Variants in HAGH observed in about 807,000 individuals in gnomAD.
HAGH encodes the protein hydroxyacylglutathione hydrolase, mitochondrial.
In HAGH, 29 loss-of-function variants were observed where a neutral mutation model predicts 35.1. That is an observed-to-expected ratio of 0.83 (90% CI 0.62 to 1.13). HAGH has a LOEUF of 1.13. Among genes scored for constraint, HAGH ranks in the 50% most tolerant of loss-of-function variants. The probability of loss-of-function intolerance (pLI) is 0.00; values close to 1 mark genes in which losing one functional copy is unlikely to be tolerated. For missense variants in HAGH, 478 were observed against 419.6 expected, an observed-to-expected ratio of 1.14 and a Z score of -1.22; for synonymous variants, 225 against 176.1, an observed-to-expected ratio of 1.28 and a Z score of -2.20.
chr16:1,822,226 C>A (rs993644502), intron 3 of HAGH, 74 bp downstream of exon 3: 64 of 908,420 alleles, frequency 7.0e-5, no homozygotes, highest in East Asian at 3.6e-4. Flanking sequence ...GGGAGACAGG[C>A]CTTGATGTCC....
rs763826508 is a variant in HAGH, at chr16:1,819,232, A to G, written c.433-9T>C. On this transcript the variant is annotated splice_polypyrimidine_tract_variant and intron_variant, in intron 4 of 8. Coordinates refer to ENST00000397356, the MANE Select transcript of HAGH (RefSeq NM_005326.6). Reference sequence around the variant, plus strand: ...ACGTTCAGAGACCCCACCTTCAACAAAGCAGGCGACCGCGTGTGCTCCCAG... The same window carrying G: ...ACGTTCAGAGACCCCACCTTCAACAGAGCAGGCGACCGCGTGTGCTCCCAG... The G allele has an allele frequency of 6.4e-7, 1 of 1,569,512 alleles. No homozygotes were observed. Among genetic ancestry groups the G allele is most frequent in the South Asian group, 1.1e-5 (1 of 89,422 alleles).
At position 1,823,057 on chromosome 16, in the gene HAGH, C is replaced by A. The variant is rs1469982058; in HGVS notation, c.77-20G>T. On this transcript the variant is annotated intron_variant, in intron 1 of 8. Coordinates refer to ENST00000397356, the MANE Select transcript of HAGH (RefSeq NM_005326.6). Reference sequence around the variant, plus strand: ...CTGGACCTGCAGACACAGAGCACAACTCAGCGGGCAGCCGCGCCAGGCCCT... The same window carrying A: ...CTGGACCTGCAGACACAGAGCACAAATCAGCGGGCAGCCGCGCCAGGCCCT... 1.9e-6 allele frequency: 3 copies of A among 1,611,332 alleles called. No individual in the cohort carries two copies. In the African/African-American group the frequency reaches 4.0e-5, roughly 22 times the overall value.
chr16:1,809,244 G>A lies in HAGH; in HGVS notation c.*39C>T, dbSNP rs1268376821. On this transcript the variant is annotated 3_prime_UTR_variant, in exon 9 of 9. Coordinates refer to ENST00000397356, the MANE Select transcript of HAGH (RefSeq NM_005326.6). ...CAGCAGGAAAGCCAGTTACCTAAAA[G>A]AGCCTAATCCCCAAATCCGCTGAAG... 2.2e-6 allele frequency: 3 copies of A among 1,389,356 alleles called. No homozygotes were observed. Among genetic ancestry groups the A allele is most frequent in the Non-Finnish European group, 3.0e-6 (3 of 991,342 alleles). The allele number at this position is 1,389,356 out of a possible 1,614,324, so 86.1% of individuals were successfully genotyped here.
Position 1,819,201 on chromosome 16 carries a change from C to A in HAGH, c.455G>T (p.Cys152Phe), listed in dbSNP as rs1256812039. ...TLQVGSLNVKCLATPCHTSGH... is the reference protein window; with the variant it reads ...TLQVGSLNVKFLATPCHTSGH... ...TGAAGTGTGGCACGGGGTCGCCAGG[C>A]ACTTGACGTTCAGAGACCCCACCTT... Residue 152 changes from cysteine (C) to phenylalanine (F), a missense_variant, in exon 5 of 9, where the codon TGC becomes TTC. By Grantham distance (205) the Cys-to-Phe change is radical. Coordinates refer to ENST00000397356, the MANE Select transcript of HAGH (RefSeq NM_005326.6). The A allele has an allele frequency of 3.1e-6, 5 of 1,611,824 alleles. No individual in the cohort carries two copies. The highest frequency in any genetic ancestry group is 4.2e-6 in the Non-Finnish European group (5 of 1,178,938).
Position 1,822,860 on chromosome 16 carries a change from C to A in HAGH, c.249+5G>T, listed in dbSNP as rs754515094. 1.9e-6 allele frequency: 3 copies of A among 1,612,166 alleles called. No individual in the cohort carries two copies. The highest frequency in any genetic ancestry group is 1.3e-5 in the African/African-American group (1 of 75,006). ...GCAGGGAGAGCCAGGCACAGCCATG[C>A]GCACCTTCTGGGGCTGCACCGGATC... is the stretch of plus-strand genomic sequence containing the variant. On this transcript the variant is annotated splice_donor_5th_base_variant and intron_variant, in intron 2 of 8. Coordinates refer to ENST00000397356, the MANE Select transcript of HAGH (RefSeq NM_005326.6).
At chr16:1,824,494 A>T (rs1898305574) in intron 1 of HAGH, among the ~76,000 whole-genome samples, 1 of 152,174 alleles carries the variant, frequency 6.6e-6, no homozygotes, top group Non-Finnish European at 1.5e-5. Flanking sequence ...TGAAACTCCT[A>T]CTAAATCTAA....
chr16:1,810,161 A>G (rs984404862), intron 7 of HAGH: 1 of 220,346 alleles, frequency 4.5e-6, no homozygotes, highest in Non-Finnish European at 8.3e-6. Context: ...TCACGTCTCA[A>G]AAAATGCTTC....
At position 1,823,744 on chromosome 16, in the gene HAGH, TAAAAAAAAAAAAA is replaced by T. The variant is rs71145496; in HGVS notation, c.77-720_77-708del. Among the ~76,000 whole-genome samples the T allele has an allele frequency of 1.3e-4, 7 of 55,922 alleles. 1 individual carries two copies. Among genetic ancestry groups the T allele is most frequent in the East Asian group, 5.3e-4 (1 of 1,894 alleles). The allele number at this position is 55,922 out of a possible 152,430, so 36.7% of individuals were successfully genotyped here. ...GGTGACAAGACAATAACCTGTTCCT[TAAAAAAAAAAAAA>T]AAAAAAAAAAAAAAAAGGAATATCT... is the stretch of plus-strand genomic sequence containing the variant. On this transcript the variant is annotated intron_variant, in intron 1 of 8. Coordinates refer to ENST00000397356, the MANE Select transcript of HAGH (RefSeq NM_005326.6).
chr16:1,819,081 G>A (rs774361879), intron 5 of HAGH, 34 bp downstream of exon 5: 2 of 1,355,430 alleles, frequency 1.5e-6, no homozygotes, highest in South Asian at 2.4e-5. Flanking sequence ...TCTTCACGAA[G>A]AACCCCCGCC....
chr16:1,814,956 C>CACAT lies in HAGH; in HGVS notation c.747+1936_747+1937insATGT, dbSNP rs1439671207. Among the ~76,000 whole-genome samples the CACAT allele has an allele frequency of 4.6e-3, 584 of 126,430 alleles. 1 individual carries two copies. The highest frequency in any genetic ancestry group is 0.016 in the African/African-American group (479 of 29,340). The allele number at this position is 126,430 out of a possible 152,430, so 82.9% of individuals were successfully genotyped here. A position where few individuals can be genotyped will look rare whatever the true frequency, so the allele number is the denominator to read the frequency against. On this transcript the variant is annotated intron_variant, in intron 7 of 8. Transcript: ENST00000397356. The stretch of plus-strand genomic sequence containing the variant: ...ACACACACACACACACACACACACA[C>CACAT]ATATATATATATATCTCACAAAGAC...
chr16:1,811,101 G>A (rs549469320), intron 7 of HAGH, among the ~76,000 whole-genome samples: 6 of 152,262 alleles, frequency 3.9e-5, no homozygotes, highest in African/African-American at 9.6e-5. Context: ...TACAAAGTAC[G>A]AAGCATTTAA....
intron 7 of HAGH, among the ~76,000 whole-genome samples, chr16:1,814,591 G>C (rs1205982303): frequency 6.6e-6 from 1 of 151,944 alleles, no homozygotes; most frequent in Non-Finnish European, 1.5e-5. Flanking sequence ...AGCTGGGAGA[G>C]AAAAACATCT....
chr16:1,814,854 C>T (rs1207744741), intron 7 of HAGH, among the ~76,000 whole-genome samples: 1 of 151,976 alleles, frequency 6.6e-6, no homozygotes, highest in Non-Finnish European at 1.5e-5. Context: ...GATGAGATCA[C>T]ACCACTGCAC....
Position 1,810,359 on chromosome 16 carries a change from A to G in HAGH, c.748-526T>C, listed in dbSNP as rs72547258. ...GGGACGGAGCTTCCTTTTCATTCAC[A>G]TGGTTTACATTTCACATTATGGAGG... On this transcript the variant is annotated intron_variant, in intron 7 of 8. Transcript: ENST00000397356. The G allele has an allele frequency of 6.5e-3, 1,012 of 154,778 alleles. 8 individuals carry two copies. The highest frequency in any genetic ancestry group is 0.01 in the South Asian group (52 of 5,118). 9.6% of individuals were successfully genotyped at this position (154,778 alleles called of 1,614,324 possible).
In HAGH at chr16:1,817,042, G is replaced by A. The variant is rs372230818; in HGVS notation, c.646-48C>T. On this transcript the variant is annotated intron_variant, in intron 6 of 8. Transcript: ENST00000397356. ...AGCTCGGAAGGCTGTTACCACCTGT[G>A]AAAGTCCTCAGGGACGGGACCTGGA... The A allele has an allele frequency of 4.3e-4, 619 of 1,433,818 alleles. 1 individual carries two copies. The highest frequency in any genetic ancestry group is 5.6e-4 in the Non-Finnish European group (572 of 1,016,578). 88.8% of individuals were successfully genotyped at this position (1,433,818 alleles called of 1,614,324 possible).
At position 1,826,801 on chromosome 16, in the gene HAGH, C is replaced by A. The variant is rs537200757; in HGVS notation, c.-14G>T. ...GCCCACCACCATGACCCGGGCCGGGCTGGACTGCCGAGCTGCCCAGGACTG... is the reference window on the plus strand; with the variant it reads ...GCCCACCACCATGACCCGGGCCGGGATGGACTGCCGAGCTGCCCAGGACTG... On this transcript the variant is annotated 5_prime_UTR_variant, in exon 1 of 9. Transcript: ENST00000397356. 28 of 1,220,930 alleles carry A rather than the reference C, an allele frequency of 2.3e-5. No individual in the cohort carries two copies. In the South Asian group the frequency reaches 4.2e-4, roughly 18 times the overall value. The allele number at this position is 1,220,930 out of a possible 1,614,324, so 75.6% of individuals were successfully genotyped here.
upstream of HAGH, chr16:1,826,866 C>A: frequency 1.1e-6 from 1 of 904,064 alleles, no homozygotes; most frequent in South Asian, 3.9e-5. Context: ...AATCAGCGCC[C>A]GCCTCGCGCT....
In HAGH at chr16:1,808,893, C is replaced by A. The variant is rs1897504690; in HGVS notation, c.*390G>T. Reference sequence around the variant, plus strand: ...CTCCCTGCCGGGGGCCTGAGCAGATCAGACCACAAGCACAGGCTGCAAAGG... The same window carrying A: ...CTCCCTGCCGGGGGCCTGAGCAGATAAGACCACAAGCACAGGCTGCAAAGG... On this transcript the variant is annotated 3_prime_UTR_variant, in exon 9 of 9. Coordinates refer to ENST00000397356, the MANE Select transcript of HAGH (RefSeq NM_005326.6). The A allele has an allele frequency of 5.3e-6, 1 of 188,570 alleles. No homozygotes were observed. Among genetic ancestry groups the A allele is most frequent in the Non-Finnish European group, 1.1e-5 (1 of 91,450 alleles). 11.7% of individuals were successfully genotyped at this position (188,570 alleles called of 1,614,324 possible). A position where few individuals can be genotyped will look rare whatever the true frequency, so the allele number is the denominator to read the frequency against.
chr16:1,820,743 G>A (rs1467282908), intron 3 of HAGH, among the ~76,000 whole-genome samples: 1 of 152,152 alleles, frequency 6.6e-6, no homozygotes, highest in East Asian at 1.9e-4. Flanking sequence ...ACCAGAAACC[G>A]CCTGCCTTGG....
Sources: gnomAD v4.1 joint callset for allele counts (sites outside exome capture counted in the v4.1 genomes callset) on GRCh38, gnomAD v4.1.1 for gene constraint, MANE v1.5 for transcripts, NCBI Gene and HGNC (gene_info 2026-07-23, HGNC 2026-07-21) for gene names.